CTNNA2: variants seen among roughly 807,000 people sequenced by gnomAD.
CTNNA2 encodes catenin alpha 2.
A neutral mutation model predicts 101.0 loss-of-function variants in CTNNA2; 42 were observed. That is an observed-to-expected ratio of 0.42 (90% CI 0.32 to 0.54). CTNNA2 has a LOEUF of 0.54. Among genes scored for constraint, CTNNA2 ranks in the 20% least tolerant of loss-of-function variants. The pLI, the probability that CTNNA2 is intolerant of heterozygous loss-of-function variation, is 0.14. For synonymous variants in CTNNA2, 450 were observed against 456.4 expected (o/e 0.99, Z 0.18); for missense variants, 871 against 1,223.1 (o/e 0.71, Z 4.29).
chr2:79,503,827 CG>C (rs200759235), intron 4 of CTNNA2, among the ~76,000 whole-genome samples: 2 of 152,012 alleles, frequency 1.3e-5, no homozygotes, highest in East Asian at 3.9e-4. Flanking sequence ...ATCCACTACC[CG>C]GCCATTTTGG....
chr2:80,426,676 C>T (rs1317190044), intron 9 of CTNNA2, among the ~76,000 whole-genome samples: 1 of 152,098 alleles, frequency 6.6e-6, no homozygotes, highest in African/African-American at 2.4e-5. Flanking sequence ...TGTAAAGAAG[C>T]TTACGTGGCT....
chr2:80,255,593 C>G (rs1672081674), intron 7 of CTNNA2, among the ~76,000 whole-genome samples: 1 of 152,124 alleles, frequency 6.6e-6, no homozygotes, highest in Non-Finnish European at 1.5e-5. Context: ...ATCAAACTCG[C>G]GGGCCTTGTC....
intron 7 of CTNNA2, among the ~76,000 whole-genome samples, chr2:80,113,007 T>C (rs990232149): frequency 2.6e-5 from 4 of 152,172 alleles, no homozygotes; most frequent in Admixed American, 6.5e-5. Flanking sequence ...GATTAGCCGA[T>C]GCCATCTATC....
intron 1 of CTNNA2, among the ~76,000 whole-genome samples, chr2:79,591,851 C>A (rs563080414): frequency 6.6e-6 from 1 of 150,748 alleles, no homozygotes; most frequent in East Asian, 1.9e-4. Flanking sequence ...CCTGCTGCAC[C>A]TGATTTGTTA....
At chr2:79,319,310 C>A (rs945744896) in intron 3 of CTNNA2, among the ~76,000 whole-genome samples, 3 of 152,160 alleles carry the variant, frequency 2.0e-5, no homozygotes, top group Admixed American at 6.5e-5. Context: ...AGTATGAGTG[C>A]ATTACCTAAG....
In CTNNA2 at chr2:80,361,379, C is replaced by CA. The variant is rs552511705; in HGVS notation, c.1057-31828dup. 3.3e-5 allele frequency among the ~76,000 whole-genome samples: 5 copies of CA among 152,130 alleles called. No homozygotes were observed. The South Asian group carries it at 6.2e-4, about 19-fold the overall frequency. ...TTAGTTTTTTTACTCAGCGTGGGTG[C>CA]AAAATGGATTGTAGCTCACTGGGTT... On this transcript the variant is annotated intron_variant, in intron 7 of 18. Transcript: ENST00000402739.
At chr2:80,462,729 C>T (rs1032399816) in intron 9 of CTNNA2, among the ~76,000 whole-genome samples, 2 of 142,584 alleles carry the variant, frequency 1.4e-5, no homozygotes, top group African/African-American at 5.2e-5. Flanking sequence ...CATTCCTGGT[C>T]GAAAAGACAC....
intron 4 of CTNNA2, among the ~76,000 whole-genome samples, chr2:79,406,528 C>T (rs1678343576): frequency 6.6e-6 from 1 of 151,926 alleles, no homozygotes; most frequent in Non-Finnish European, 1.5e-5. Flanking sequence ...CATGTATCTC[C>T]TCAAGGGCAT....
intron 3 of CTNNA2, among the ~76,000 whole-genome samples, chr2:79,340,651 G>A (rs1033799935): frequency 2.6e-5 from 4 of 152,008 alleles, no homozygotes; most frequent in Non-Finnish European, 5.9e-5. Context: ...GGCTAACACG[G>A]TGAAACCCTG....
chr2:79,481,059 T>A (rs1212300272), intron 4 of CTNNA2, among the ~76,000 whole-genome samples: 4 of 152,126 alleles, frequency 2.6e-5, no homozygotes. Context: ...TAAAATGAAT[T>A]CCCAGAAGTG....
chr2:80,129,866 C>G (rs1702320121), intron 7 of CTNNA2, among the ~76,000 whole-genome samples: 1 of 152,100 alleles, frequency 6.6e-6, no homozygotes, highest in Non-Finnish European at 1.5e-5. Context: ...GCAAGTCTCC[C>G]AAGTAATCTG....
chr2:79,568,858 C>CAAAAAAAAAA (rs540965419), intron 1 of CTNNA2, among the ~76,000 whole-genome samples: 1 of 68,982 alleles, frequency 1.4e-5, no homozygotes, highest in African/African-American at 6.8e-5. Context: ...TCTGTTTCTA[C>CAAAAAAAAAA]AAAAAAAAAA....
chr2:80,399,152 G>A (rs571335112), intron 8 of CTNNA2, among the ~76,000 whole-genome samples: 69 of 150,216 alleles, frequency 4.6e-4, no homozygotes, highest in Non-Finnish European at 8.3e-4. Flanking sequence ...CCTCAATACC[G>A]TGAAAGGTCA....
intron 9 of CTNNA2, among the ~76,000 whole-genome samples, chr2:80,461,868 G>A (rs777406982): frequency 2.6e-5 from 4 of 152,048 alleles, no homozygotes; most frequent in Non-Finnish European, 4.4e-5. Flanking sequence ...AAAGATATAT[G>A]CCCCAGGCTC....
chr2:80,486,461 A>C (rs1280942022), intron 9 of CTNNA2, among the ~76,000 whole-genome samples: 2 of 152,210 alleles, frequency 1.3e-5, no homozygotes, highest in Non-Finnish European at 2.9e-5. Flanking sequence ...AATTCTGATT[A>C]TATAAGTAGT....
intron 4 of CTNNA2, among the ~76,000 whole-genome samples, chr2:79,479,345 C>T (rs1466451664): frequency 6.6e-6 from 1 of 152,178 alleles, no homozygotes; most frequent in Non-Finnish European, 1.5e-5. Context: ...CACCCGCTAA[C>T]CCTCTTTGAC....
chr2:80,455,870 A>G (rs1470507353), intron 9 of CTNNA2, among the ~76,000 whole-genome samples: 1 of 152,154 alleles, frequency 6.6e-6, no homozygotes, highest in Non-Finnish European at 1.5e-5. Context: ...GCACTGATCC[A>G]TTTAATCTTC....
At chr2:79,503,876 T>G (rs887983824) in intron 4 of CTNNA2, among the ~76,000 whole-genome samples, 1 of 152,184 alleles carries the variant, frequency 6.6e-6, no homozygotes, top group South Asian at 2.1e-4. Flanking sequence ...AATAAGGAAT[T>G]ACCATGATTT....
chr2:79,801,852 C>T (rs144775036), intron 3 of CTNNA2, among the ~76,000 whole-genome samples: 2,754 of 151,818 alleles, frequency 0.018, 77 homozygotes, highest in African/African-American at 0.062. Flanking sequence ...ATTAGCCAGG[C>T]GTGGTGGCAC....
Sources: gnomAD v4.1 joint callset for allele counts (sites outside exome capture counted in the v4.1 genomes callset) on GRCh38, gnomAD v4.1.1 for gene constraint, MANE v1.5 for transcripts, NCBI Gene and HGNC (gene_info 2026-07-23, HGNC 2026-07-21) for gene names.